The following DOCK2 variants were observed in gnomAD, a reference collection of about 807,000 sequenced individuals.
DOCK2 encodes dedicator of cytokinesis 2, also known as dedicator of cytokinesis protein 2.
DOCK2 carries 87 observed loss-of-function variants against 248.9 expected under a neutral mutation model. That is an observed-to-expected ratio of 0.35 (90% CI 0.29 to 0.42). DOCK2 has a LOEUF of 0.42. Among genes scored for constraint, DOCK2 ranks in the 10% least tolerant of loss-of-function variants. The pLI, the probability that DOCK2 is intolerant of heterozygous loss-of-function variation, is 1.00. For synonymous variants in DOCK2, 805 were observed against 821.6 expected (o/e 0.98, Z 0.35); for missense variants, 1,747 against 2,300.2 (o/e 0.76, Z 4.92).
chr5:169,872,604 T>C (rs1458986045), intron 27 of DOCK2, among the ~76,000 whole-genome samples: 5 of 152,242 alleles, frequency 3.3e-5, no homozygotes, highest in Admixed American at 3.3e-4. Flanking sequence ...TCTCTGCTGA[T>C]AGCTATATCT....
At chr5:169,811,004 C>A (rs1767718184) in intron 26 of DOCK2, among the ~76,000 whole-genome samples, 1 of 151,830 alleles carries the variant, frequency 6.6e-6, no homozygotes, top group Non-Finnish European at 1.5e-5. Context: ...CACACACACA[C>A]ACACACACAC....
At chr5:169,640,536 G>A (rs1003340766) in intron 1 of DOCK2, among the ~76,000 whole-genome samples, 1 of 152,228 alleles carries the variant, frequency 6.6e-6, no homozygotes, top group African/African-American at 2.4e-5. Flanking sequence ...GGGTTGGTTT[G>A]AACTTGAGCT....
intron 5 of DOCK2, among the ~76,000 whole-genome samples, chr5:169,672,548 T>A (rs1759103181): frequency 6.6e-6 from 1 of 152,188 alleles, no homozygotes; most frequent in Non-Finnish European, 1.5e-5. Context: ...AAGAATGAGA[T>A]AGCATGCTGC....
chr5:170,012,891 C>T (rs1755355991), intron 32 of DOCK2, among the ~76,000 whole-genome samples: 1 of 152,148 alleles, frequency 6.6e-6, no homozygotes, highest in South Asian at 2.1e-4. Flanking sequence ...CTCGGCCTCC[C>T]ATGTAGGGAG....
chr5:170,042,164 C>T (rs138707642), intron 38 of DOCK2, 32 bp downstream of exon 38: 1 of 1,579,258 alleles, frequency 6.3e-7, no homozygotes, highest in Non-Finnish European at 8.6e-7. Context: ...CCCGTGGGGA[C>T]CCTGGCCACT....
At chr5:169,954,498 A>G (rs1776787086) in intron 27 of DOCK2, among the ~76,000 whole-genome samples, 1 of 152,232 alleles carries the variant, frequency 6.6e-6, no homozygotes, top group Admixed American at 6.5e-5. Flanking sequence ...GGGACCAGAA[A>G]GACCTCTTGG....
Position 170,047,632 on chromosome 5 carries a change from T to C in DOCK2, c.4071+18T>C, listed in dbSNP as rs746772712. Reference sequence around the variant, plus strand: ...TCCTGCGGGTGAGTTTGGGGGTGACTTGGACACCAGGCGAGAGCCCCAGGG... The same window carrying C: ...TCCTGCGGGTGAGTTTGGGGGTGACCTGGACACCAGGCGAGAGCCCCAGGG... On this transcript the variant is annotated intron_variant, in intron 40 of 51. Coordinates refer to ENST00000520908, the MANE Select transcript of DOCK2 (RefSeq NM_004946.3). 6.2e-6 allele frequency: 10 copies of C among 1,610,544 alleles called. No individual in the cohort carries two copies. In the South Asian group the frequency reaches 1.1e-4, roughly 18 times the overall value.
chr5:170,065,632 C>T (rs181662373), intron 44 of DOCK2, among the ~76,000 whole-genome samples: 1 of 152,284 alleles, frequency 6.6e-6, no homozygotes, highest in African/African-American at 2.4e-5. Flanking sequence ...CAGGGAGGAG[C>T]AAGTCCCATC....
rs747703876 is a variant in DOCK2, at chr5:170,045,863, C to A, written c.3924C>A (p.Tyr1308Ter). ...TGTGCAAGGAGCTGGCGGAACAGTA[C>A]GAGATGGAGATCTTTGACTATGAGC... ...ISLCKELAEQ[Y>*]EMEIFDYELL... is the part of the protein sequence containing the mutation. The change falls in exon 39 of 52, where the codon TAC (tyrosine) becomes TAA (stop). Residue 1308 changes from tyrosine (Y) to a stop codon, truncating the protein, a stop_gained. Transcript: ENST00000520908. LOFTEE classifies it high-confidence loss of function. 2 of 1,614,090 alleles carry A rather than the reference C, an allele frequency of 1.2e-6. No homozygotes were observed. The highest frequency in any genetic ancestry group is 1.7e-6 in the Non-Finnish European group (2 of 1,180,008).
intron 27 of DOCK2, among the ~76,000 whole-genome samples, chr5:169,850,439 T>C (rs532088464): frequency 2.0e-5 from 3 of 152,090 alleles, no homozygotes; most frequent in Non-Finnish European, 4.4e-5. Context: ...TTCCTGAAAG[T>C]GTATGTGCAA....
At chr5:169,860,298 G>A (rs1183166221) in intron 27 of DOCK2, among the ~76,000 whole-genome samples, 1 of 151,934 alleles carries the variant, frequency 6.6e-6, no homozygotes, top group Non-Finnish European at 1.5e-5. Flanking sequence ...ACCTGTTTCT[G>A]AAAACCACTG....
chr5:169,970,506 A>C (rs1777464193), intron 27 of DOCK2, among the ~76,000 whole-genome samples: 2 of 152,210 alleles, frequency 1.3e-5, no homozygotes, highest in Admixed American at 1.3e-4. Context: ...AGTCAACTCA[A>C]CACTGTGATC....
chr5:170,020,698 G>A (rs528258236), intron 33 of DOCK2, among the ~76,000 whole-genome samples: 5 of 152,226 alleles, frequency 3.3e-5, no homozygotes, highest in African/African-American at 9.6e-5. Flanking sequence ...AGGTCACTGC[G>A]ATTCCTAAAC....
chr5:169,765,070 G>GCA (rs142755026), intron 25 of DOCK2, among the ~76,000 whole-genome samples: 20,852 of 146,038 alleles, frequency 0.14, 1,563 homozygotes, highest in Admixed American at 0.21. Flanking sequence ...CTCTTTTAGC[G>GCA]CACACACACA....
chr5:169,995,748 G>A (rs1182721835), intron 29 of DOCK2, among the ~76,000 whole-genome samples: 1 of 152,152 alleles, frequency 6.6e-6, no homozygotes, highest in Non-Finnish European at 1.5e-5. Flanking sequence ...TGTGGTAGCA[G>A]GTTGTTTATT....
chr5:169,835,259 G>GTTTTTTTTTTTTTTTTT lies in DOCK2; in HGVS notation c.2704-5498_2704-5497insTTTTTTTTTTTTTTTTT, dbSNP rs763950012. Among the ~76,000 whole-genome samples, 6 of 138,610 alleles carry GTTTTTTTTTTTTTTTTT rather than the reference G, an allele frequency of 4.3e-5. 2 individuals are homozygous for GTTTTTTTTTTTTTTTTT. The highest frequency in any genetic ancestry group is 4.5e-5 in the Non-Finnish European group (3 of 66,280). The allele number at this position is 138,610 out of a possible 152,430, so 90.9% of individuals were successfully genotyped here. On this transcript the variant is annotated intron_variant, in intron 26 of 51. Transcript: ENST00000520908. ...AGTGGGAGGAAAGAGTGAAATGCCT[G>GTTTTTTTTTTTTTTTTT]GTTTTTTTTTTTTTTTTTTTGAGAC...
intron 30 of DOCK2, among the ~76,000 whole-genome samples, chr5:170,007,974 T>C (rs2042237): frequency 0.38 from 58,264 of 151,896 alleles, 11,237 homozygotes; most frequent in Middle Eastern, 0.45. Context: ...ACTATTCAAC[T>C]AAGGGGAAAG....
chr5:170,019,753 A>G (rs1430820862), intron 33 of DOCK2, among the ~76,000 whole-genome samples: 1 of 152,124 alleles, frequency 6.6e-6, no homozygotes, highest in Non-Finnish European at 1.5e-5. Flanking sequence ...GCAGTGGAAG[A>G]AGCACCAGTT....
chr5:170,066,535 G>T (rs1018181576), intron 44 of DOCK2, among the ~76,000 whole-genome samples: 2 of 152,144 alleles, frequency 1.3e-5, no homozygotes, highest in Non-Finnish European at 2.9e-5. Flanking sequence ...CTACATTTTA[G>T]ATCGTAATGG....
Sources: gnomAD v4.1 joint callset for allele counts (sites outside exome capture counted in the v4.1 genomes callset) on GRCh38, gnomAD v4.1.1 for gene constraint, MANE v1.5 for transcripts, NCBI Gene and HGNC (gene_info 2026-07-23, HGNC 2026-07-21) for gene names.